The following SLC8A1 variants were observed in gnomAD, a reference collection of about 807,000 sequenced individuals.
SLC8A1 encodes the protein sodium/calcium exchanger 1.
In SLC8A1, 18 loss-of-function variants were observed where a neutral mutation model predicts 68.3. The observed-to-expected ratio is 0.26, with a 90% CI of 0.18 to 0.39. The LOEUF is 0.39. Among genes scored for constraint, SLC8A1 ranks in the 10% least tolerant of loss-of-function variants. The pLI is 1.00. For missense variants in SLC8A1, 985 were observed against 1,156.7 expected (o/e 0.85, Z 2.15); for synonymous variants, 475 against 415.5 (o/e 1.14, Z -1.74).
At chr2:40,115,422 G>A (rs1203697460) in exon 8 of SLC8A1, 1 of 1,614,134 alleles carries the variant, frequency 6.2e-7, no homozygotes, top group South Asian at 1.1e-5. Context: ...ATTGATGAAA[G>A]CAAAAATGGT....
At chr2:40,140,067 T>C (rs1340610655) in intron 6 of SLC8A1, among the ~76,000 whole-genome samples, 2 of 152,160 alleles carry the variant, frequency 1.3e-5, no homozygotes, top group East Asian at 3.9e-4. Context: ...AAACTATAGA[T>C]GGAGTTCTAC....
chr2:40,206,884 A>G (rs1462314912), intron 2 of SLC8A1, among the ~76,000 whole-genome samples: 1 of 152,068 alleles, frequency 6.6e-6, no homozygotes, highest in Admixed American at 6.6e-5. Context: ...GAGGTGCCAC[A>G]TTGTAAATGA....
intron 2 of SLC8A1, among the ~76,000 whole-genome samples, chr2:40,384,681 C>G (rs1016680700): frequency 5.3e-5 from 8 of 152,012 alleles, no homozygotes; most frequent in African/African-American, 1.7e-4. Context: ...ATTTATGTAT[C>G]AGGGAGGTTT....
chr2:40,476,428 T>C (rs1056682103), intron 1 of SLC8A1, among the ~76,000 whole-genome samples: 34 of 152,192 alleles, frequency 2.2e-4, no homozygotes, highest in Non-Finnish European at 8.8e-5. Flanking sequence ...TAAACAAAGA[T>C]ATATTTCTAA....
chr2:40,391,668 T>C (rs2149601871), intron 2 of SLC8A1, among the ~76,000 whole-genome samples: 1 of 152,188 alleles, frequency 6.6e-6, no homozygotes, highest in South Asian at 2.1e-4. Context: ...ATCATTCTGC[T>C]TCCATATCCA....
At chr2:40,315,761 C>T (rs2074359997) in intron 2 of SLC8A1, among the ~76,000 whole-genome samples, 1 of 151,982 alleles carries the variant, frequency 6.6e-6, no homozygotes, top group Non-Finnish European at 1.5e-5. Context: ...TTTCCAGTAA[C>T]ATGTCCCAGA....
chr2:40,333,517 A>C (rs2076653909), intron 2 of SLC8A1, among the ~76,000 whole-genome samples: 1 of 152,182 alleles, frequency 6.6e-6, no homozygotes, highest in South Asian at 2.1e-4. Flanking sequence ...ATGTTGAGGT[A>C]ACCAATGTTA....
intron 2 of SLC8A1, among the ~76,000 whole-genome samples, chr2:40,380,013 CAT>C (rs1259026550): frequency 6.6e-6 from 1 of 152,080 alleles, no homozygotes; most frequent in African/African-American, 2.4e-5. Context: ...CTTGATACCA[CAT>C]GTCAGCACAT....
At chr2:40,252,178 A>C (rs1448180924) in intron 2 of SLC8A1, among the ~76,000 whole-genome samples, 1 of 152,240 alleles carries the variant, frequency 6.6e-6, no homozygotes, top group Non-Finnish European at 1.5e-5. Context: ...GAGAATTTAC[A>C]GGTGGCTGAA....
At chr2:40,400,555 A>C (rs563395701) in intron 2 of SLC8A1, among the ~76,000 whole-genome samples, 1 of 152,292 alleles carries the variant, frequency 6.6e-6, no homozygotes, top group South Asian at 2.1e-4. Context: ...GTCCTTTGTA[A>C]AACTTTCATG....
chr2:40,310,670 G>C (rs1238708439), intron 2 of SLC8A1, among the ~76,000 whole-genome samples: 1 of 152,096 alleles, frequency 6.6e-6, no homozygotes, highest in East Asian at 1.9e-4. Flanking sequence ...AACAATCTGA[G>C]CTCTAGAGGG....
intron 1 of SLC8A1, among the ~76,000 whole-genome samples, chr2:40,435,938 G>T (rs764160988): frequency 6.8e-6 from 1 of 147,768 alleles, no homozygotes; most frequent in East Asian, 2.2e-4. Context: ...AACCATGCTC[G>T]GCTATTTTTT....
intron 2 of SLC8A1, chr2:40,210,089 G>A (rs1427571280): frequency 6.6e-6 from 1 of 152,188 alleles, no homozygotes. Context: ...CTGAGGCCTA[G>A]ACAGTGCCTT....
chr2:40,203,711 G>T (rs983339403), intron 2 of SLC8A1, among the ~76,000 whole-genome samples: 1 of 151,850 alleles, frequency 6.6e-6, no homozygotes, highest in Non-Finnish European at 1.5e-5. Flanking sequence ...TATGGTGAGG[G>T]TTATTTTATT....
At chr2:40,116,702 C>A (rs1333019018) in intron 7 of SLC8A1, 2 of 152,226 alleles carry the variant, frequency 1.3e-5, no homozygotes, top group Non-Finnish European at 2.9e-5. Context: ...TGCCTCATGT[C>A]TTCAAAACGA....
chr2:40,385,135 A>C (rs1011390918), intron 2 of SLC8A1, among the ~76,000 whole-genome samples: 12 of 152,106 alleles, frequency 7.9e-5, no homozygotes, highest in African/African-American at 2.9e-4. Context: ...TGAAAAGTTA[A>C]TTGCAAATAG....
At chr2:40,185,219 C>T (rs2050485267) in intron 2 of SLC8A1, among the ~76,000 whole-genome samples, 1 of 152,140 alleles carries the variant, frequency 6.6e-6, no homozygotes, top group Admixed American at 6.5e-5. Flanking sequence ...AGTAGAATTA[C>T]CATGTGAACC....
intron 2 of SLC8A1, chr2:40,250,343 T>C (rs1388090852): frequency 6.6e-6 from 1 of 152,206 alleles, no homozygotes; most frequent in Non-Finnish European, 1.5e-5. Context: ...TACGAAGAGA[T>C]TACAAGTACT....
intron 2 of SLC8A1, among the ~76,000 whole-genome samples, chr2:40,374,905 T>A (rs983938041): frequency 6.6e-6 from 1 of 152,116 alleles, no homozygotes; most frequent in Non-Finnish European, 1.5e-5. Flanking sequence ...TACTCGTCAA[T>A]ATCCACTAAA....
Sources: gnomAD v4.1 joint callset for allele counts (sites outside exome capture counted in the v4.1 genomes callset) on GRCh38, gnomAD v4.1.1 for gene constraint, MANE v1.5 for transcripts, NCBI Gene and HGNC (gene_info 2026-07-23, HGNC 2026-07-21) for gene names.